The following MTUS2 variants were observed in gnomAD, a reference collection of about 807,000 sequenced individuals.
MTUS2 encodes the protein microtubule-associated tumor suppressor candidate 2.
Under a neutral mutation model 114.1 loss-of-function variants are expected in MTUS2, and 40 were observed. The ratio of observed to expected loss-of-function variants is 0.35; its 90% CI spans 0.27 to 0.46. The LOEUF is 0.46. MTUS2 is among the 20% of genes least tolerant of loss of function. The pLI is 1.00. For synonymous variants in MTUS2, 688 were observed against 672.0 expected, an observed-to-expected ratio of 1.02 and a Z score of -0.37; for missense variants, 1,679 against 1,705.4, an observed-to-expected ratio of 0.98 and a Z score of 0.27.
intron 2 of MTUS2, among the ~76,000 whole-genome samples, chr13:28,941,310 A>G (rs1882221390): frequency 6.6e-6 from 1 of 152,114 alleles, no homozygotes; most frequent in Admixed American, 6.6e-5. Context: ...GCATATGCTT[A>G]CTGTATATAT....
chr13:29,439,753 C>T (rs915355627), intron 8 of MTUS2, among the ~76,000 whole-genome samples: 1 of 152,024 alleles, frequency 6.6e-6, no homozygotes, highest in African/African-American at 2.4e-5. Context: ...AAAAACACAA[C>T]CACGGGTATT....
chr13:29,333,452 C>T (rs1054066482), intron 7 of MTUS2, among the ~76,000 whole-genome samples: 2 of 152,172 alleles, frequency 1.3e-5, no homozygotes, highest in Non-Finnish European at 2.9e-5. Flanking sequence ...ATGCCTTAGC[C>T]TCCCAAAGTG....
chr13:28,823,636 G>T (rs1874064843), intron 1 of MTUS2, among the ~76,000 whole-genome samples: 1 of 152,294 alleles, frequency 6.6e-6, no homozygotes, highest in South Asian at 2.1e-4. Context: ...CGTAAGAACT[G>T]CAGCTTTCAA....
At chr13:29,159,581 G>A (rs1253302067) in intron 5 of MTUS2, among the ~76,000 whole-genome samples, 1 of 151,880 alleles carries the variant, frequency 6.6e-6, no homozygotes, top group Non-Finnish European at 1.5e-5. Flanking sequence ...CAGACTAATA[G>A]AAGATATTTG....
intron 9 of MTUS2, among the ~76,000 whole-genome samples, chr13:29,478,674 G>A (rs1025826762): frequency 6.6e-6 from 1 of 152,080 alleles, no homozygotes; most frequent in Non-Finnish European, 1.5e-5. Flanking sequence ...TACCTACAGC[G>A]CATCTCCTTA....
chr13:29,027,965 G>A (rs930999691), intron 3 of MTUS2, among the ~76,000 whole-genome samples: 1 of 152,204 alleles, frequency 6.6e-6, no homozygotes, highest in African/African-American at 2.4e-5. Flanking sequence ...GCACTGTGCT[G>A]TCCTTTTTAG....
intron 2 of MTUS2, among the ~76,000 whole-genome samples, chr13:28,862,841 C>A (rs1054468741): frequency 6.6e-5 from 10 of 152,054 alleles, no homozygotes; most frequent in Admixed American, 5.9e-4. Context: ...AAAATGACTT[C>A]AATTAAACAT....
chr13:28,996,188 G>A (rs1187062526), intron 2 of MTUS2, among the ~76,000 whole-genome samples: 1 of 152,088 alleles, frequency 6.6e-6, no homozygotes, highest in Non-Finnish European at 1.5e-5. Context: ...CTGTTTATAT[G>A]CTGGATTACA....
At chr13:28,981,452 G>A (rs181380854) in intron 2 of MTUS2, among the ~76,000 whole-genome samples, 40 of 152,138 alleles carry the variant, frequency 2.6e-4, no homozygotes, top group African/African-American at 9.6e-4. Context: ...GAGGGTGATG[G>A]GACTGTTCTA....
At chr13:29,481,885 T>A (rs1468224569) in intron 10 of MTUS2, among the ~76,000 whole-genome samples, 1 of 152,176 alleles carries the variant, frequency 6.6e-6, no homozygotes, top group Non-Finnish European at 1.5e-5. Context: ...TGAAGTTACC[T>A]GTTGGTGTTA....
intron 6 of MTUS2, among the ~76,000 whole-genome samples, chr13:29,300,462 T>C (rs1899151087): frequency 6.6e-6 from 1 of 152,208 alleles, no homozygotes; most frequent in Non-Finnish European, 1.5e-5. Context: ...TCCATTGTGA[T>C]TTTCAACATT....
chr13:29,103,608 G>A (rs1890521203), intron 5 of MTUS2, among the ~76,000 whole-genome samples: 1 of 152,154 alleles, frequency 6.6e-6, no homozygotes, highest in African/African-American at 2.4e-5. Context: ...ACACTTTTAT[G>A]TGATAAACCA....
chr13:29,404,413 C>T (rs1359776077), intron 8 of MTUS2, among the ~76,000 whole-genome samples: 6 of 152,058 alleles, frequency 3.9e-5, no homozygotes, highest in South Asian at 2.1e-4. Flanking sequence ...CCCAGCTACT[C>T]GAGAGGCTGA....
At chr13:29,229,341 A>G (rs1896234862) in intron 5 of MTUS2, among the ~76,000 whole-genome samples, 1 of 152,058 alleles carries the variant, frequency 6.6e-6, no homozygotes, top group Admixed American at 6.5e-5. Context: ...CATTTTCTTG[A>G]CCTTTACTTG....
intron 6 of MTUS2, among the ~76,000 whole-genome samples, chr13:29,289,155 G>T (rs189497541): frequency 6.6e-6 from 1 of 152,178 alleles, no homozygotes; most frequent in Non-Finnish European, 1.5e-5. Context: ...AGTAATTGAA[G>T]CATGTGATAT....
intron 5 of MTUS2, among the ~76,000 whole-genome samples, chr13:29,140,349 A>G (rs1350991087): frequency 2.0e-5 from 3 of 152,224 alleles, no homozygotes; most frequent in African/African-American, 7.2e-5. Context: ...CTCAGGGCTA[A>G]GCAACACAGT....
At chr13:28,914,572 G>A (rs1022423052) in intron 2 of MTUS2, among the ~76,000 whole-genome samples, 3 of 152,006 alleles carry the variant, frequency 2.0e-5, no homozygotes, top group African/African-American at 7.2e-5. Flanking sequence ...GTTGTTTTTG[G>A]GTGGAGAGTT....
At chr13:29,328,785 A>G (rs1900637298) in intron 7 of MTUS2, among the ~76,000 whole-genome samples, 1 of 152,230 alleles carries the variant, frequency 6.6e-6, no homozygotes, top group African/African-American at 2.4e-5. Context: ...TTGCAGGGTC[A>G]TTTTAGTCTG....
intron 2 of MTUS2, among the ~76,000 whole-genome samples, chr13:29,023,201 A>G (rs559271658): frequency 9.1e-4 from 139 of 152,290 alleles, no homozygotes; most frequent in Non-Finnish European, 1.6e-3. Context: ...GCAGAGAGTA[A>G]TGAACATGGT....
Sources: gnomAD v4.1 joint callset for allele counts (sites outside exome capture counted in the v4.1 genomes callset) on GRCh38, gnomAD v4.1.1 for gene constraint, MANE v1.5 for transcripts, NCBI Gene and HGNC (gene_info 2026-07-23, HGNC 2026-07-21) for gene names.